The following CXADR variants were observed in gnomAD, a reference collection of about 807,000 sequenced individuals.
CXADR encodes CXADR cell adhesion molecule, also known as coxsackievirus and adenovirus receptor.
A neutral mutation model predicts 40.3 loss-of-function variants in CXADR; 20 were observed. That is an observed-to-expected ratio of 0.50 (90% confidence interval 0.35 to 0.72). CXADR has a LOEUF of 0.72. Among genes scored for constraint, CXADR ranks in the 30% least tolerant of loss-of-function variants. CXADR has a pLI of 0.01. For synonymous variants in CXADR, 150 were observed against 161.3 expected, an observed-to-expected ratio of 0.93 and a Z score of 0.53; for missense variants, 332 against 449.1, an observed-to-expected ratio of 0.74 and a Z score of 2.36.
Position 17,565,928 on chromosome 21 carries a change from G to T in CXADR, c.*236G>T. 8.4e-7 allele frequency: 1 copy of T among 1,194,714 alleles called. No homozygotes were observed. The highest frequency in any genetic ancestry group is 3.8e-5 in the East Asian group (1 of 26,138). 74.0% of individuals were successfully genotyped at this position (1,194,714 alleles called of 1,614,324 possible). The stretch of plus-strand genomic sequence containing the variant: ...TGAAAAAGCTGGATTTTCTTTAAGA[G>T]GTTGATTATAAAGTTTTCTAAATTT... On this transcript the variant is annotated 3_prime_UTR_variant, in exon 7 of 7. Transcript: ENST00000284878.
At chr21:17,552,683 C>T (rs2060983762) in intron 3 of CXADR, among the ~76,000 whole-genome samples, 1 of 152,110 alleles carries the variant, frequency 6.6e-6, no homozygotes, top group Non-Finnish European at 1.5e-5. Flanking sequence ...TGTAGAAAAA[C>T]ATAGCTGTCT....
intron 1 of CXADR, among the ~76,000 whole-genome samples, chr21:17,528,942 G>A (rs2060634306): frequency 1.3e-5 from 2 of 152,032 alleles, no homozygotes; most frequent in Non-Finnish European, 2.9e-5. Flanking sequence ...GTTCTCCGGG[G>A]CAGTTTCTTT....
chr21:17,530,718 G>T (rs1600965033), intron 1 of CXADR, among the ~76,000 whole-genome samples: 2 of 152,186 alleles, frequency 1.3e-5, no homozygotes, highest in Non-Finnish European at 2.9e-5. Flanking sequence ...GGAGGCTGAG[G>T]CAGGAGAATC....
chr21:17,628,625 C>T, the CXADR span, among the ~76,000 whole-genome samples: 2 of 152,096 alleles, frequency 1.3e-5, no homozygotes, highest in Admixed American at 6.5e-5. Flanking sequence ...CTTAGCCTCC[C>T]GAGTAGCTGG....
At chr21:17,534,109 T>A (rs1200456305) in intron 1 of CXADR, among the ~76,000 whole-genome samples, 31 of 79,398 alleles carry the variant, frequency 3.9e-4, no homozygotes, top group African/African-American at 1.1e-3. Flanking sequence ...TATTTTTTTT[T>A]TTTTTTTTTT....
At chr21:17,527,261 GT>G (rs945438449) in intron 1 of CXADR, 1 of 152,172 alleles carries the variant, frequency 6.6e-6, no homozygotes, top group Non-Finnish European at 1.5e-5. Flanking sequence ...AAGAAGAATA[GT>G]TTTGACCAGA....
intron 7 of CXADR, among the ~76,000 whole-genome samples, chr21:17,590,806 T>C (rs992892815): frequency 1.4e-4 from 22 of 152,046 alleles, no homozygotes; most frequent in Non-Finnish European, 1.8e-4. Context: ...TGTGTGATCT[T>C]TCCATGTAAC....
At chr21:17,628,460 C>T in the CXADR span, among the ~76,000 whole-genome samples, 3 of 151,898 alleles carry the variant, frequency 2.0e-5, no homozygotes, top group Admixed American at 6.5e-5. Flanking sequence ...GAAGAGCTGA[C>T]GTTTCAGATG....
chr21:17,559,520 C>T (rs891403370), intron 4 of CXADR, among the ~76,000 whole-genome samples: 1 of 151,960 alleles, frequency 6.6e-6, no homozygotes, highest in Admixed American at 6.6e-5. Flanking sequence ...CAGATGCTTT[C>T]TTTCCCTTTT....
Position 17,534,007 on chromosome 21 carries a change from A to AATATATAT in CXADR, c.44-13006_44-12999dup, listed in dbSNP as rs5842646. Reference sequence around the variant, plus strand: ...CCTGTATTTTCTTCTCTTTCTCAGCAATATATATATATATATATATAGCTA... The same window carrying AATATATAT: ...CCTGTATTTTCTTCTCTTTCTCAGCAATATATATATATATATATATATATATATAGCTA... On this transcript the variant is annotated intron_variant, in intron 1 of 6. Transcript: ENST00000284878. 4.0e-4 allele frequency among the ~76,000 whole-genome samples: 35 copies of AATATATAT among 87,906 alleles called. No homozygotes were observed. The Admixed American group carries it at 4.1e-3, about 10-fold the overall frequency. 57.7% of individuals were successfully genotyped at this position (87,906 alleles called of 152,430 possible).
At chr21:17,595,539 T>C (rs563187436), downstream of CXADR, among the ~76,000 whole-genome samples, 11 of 152,142 alleles carry the variant, frequency 7.2e-5, 1 homozygote, top group South Asian at 2.3e-3. Flanking sequence ...TGTATCCTGC[T>C]TTTTACATTT....
intron 1 of CXADR, among the ~76,000 whole-genome samples, chr21:17,533,090 G>C (rs1000246814): frequency 6.6e-6 from 1 of 152,152 alleles, no homozygotes; most frequent in South Asian, 2.1e-4. Context: ...TGATCAATGG[G>C]CTAGAATTAG....
chr21:17,590,567 C>T (rs2061427933), intron 7 of CXADR, among the ~76,000 whole-genome samples: 1 of 151,978 alleles, frequency 6.6e-6, no homozygotes, highest in South Asian at 2.1e-4. Flanking sequence ...GACAACTTCG[C>T]AGTACGAGTC....
chr21:17,515,384 G>A (rs2060447188), intron 1 of CXADR, among the ~76,000 whole-genome samples: 1 of 152,064 alleles, frequency 6.6e-6, no homozygotes, highest in African/African-American at 2.4e-5. Flanking sequence ...GGAGGTCTAA[G>A]CTCATGAGGT....
intron 1 of CXADR, among the ~76,000 whole-genome samples, chr21:17,537,459 A>G (rs2060773384): frequency 1.3e-5 from 2 of 152,194 alleles, no homozygotes; most frequent in African/African-American, 2.4e-5. Flanking sequence ...TATTGTTACA[A>G]CAAAGTGCTT....
chr21:17,525,159 C>T (rs2123137499), intron 1 of CXADR, among the ~76,000 whole-genome samples: 1 of 152,164 alleles, frequency 6.6e-6, no homozygotes, highest in Non-Finnish European at 1.5e-5. Context: ...ATTAAATTAA[C>T]CAACATTTAT....
intron 6 of CXADR, among the ~76,000 whole-genome samples, 197 bp downstream of exon 6, chr21:17,561,673 G>T (rs1053403826): frequency 1.3e-5 from 2 of 151,974 alleles, no homozygotes; most frequent in African/African-American, 4.8e-5. Flanking sequence ...GTTGTGCCCC[G>T]CTCCCCAACC....
rs57696814 is a variant in CXADR at position 17,589,582 on chromosome 21, A to AT, written c.1018-3559dup. 4.9e-4 allele frequency among the ~76,000 whole-genome samples: 74 copies of AT among 149,852 alleles called. 1 individual carries two copies. Among genetic ancestry groups the AT allele is most frequent in the Admixed American group, 2.9e-3 (43 of 14,920 alleles). The stretch of plus-strand genomic sequence containing the variant: ...ATACTAGCACCATTCTAGGCATACC[A>AT]TTTTTTTTTTTATTCTACTCTTTTT... On this transcript the variant is annotated intron_variant, in intron 7 of 7. Transcript: ENST00000400169.
the CXADR span, among the ~76,000 whole-genome samples, chr21:17,615,032 T>G: frequency 1.3e-5 from 2 of 152,166 alleles, no homozygotes; most frequent in Non-Finnish European, 2.9e-5. Context: ...TTTGTGTCCC[T>G]CGCAATATTC....
Sources: gnomAD v4.1 joint callset for allele counts (sites outside exome capture counted in the v4.1 genomes callset) on GRCh38, gnomAD v4.1.1 for gene constraint, MANE v1.5 for transcripts, NCBI Gene and HGNC (gene_info 2026-07-23, HGNC 2026-07-21) for gene names.